The following STAU2 variants were observed in gnomAD, a reference collection of about 807,000 sequenced individuals.
The protein encoded by STAU2 is staufen double-stranded RNA binding protein 2, also known as double-stranded RNA-binding protein Staufen homolog 2.
A neutral mutation model predicts 65.9 loss-of-function variants in STAU2; 20 were observed. The ratio of observed to expected loss-of-function variants is 0.30; its 90% confidence interval spans 0.21 to 0.44. The LOEUF (loss-of-function observed/expected upper bound fraction) is 0.44. Ranked by LOEUF, STAU2 falls within the 20% of genes least tolerant of loss-of-function variation. The pLI, the probability that STAU2 is intolerant of heterozygous loss-of-function variation, is 1.00. For missense variants in STAU2, 558 were observed against 683.9 expected, an observed-to-expected ratio of 0.82 and a Z score of 2.05; for synonymous variants, 232 against 233.9, an observed-to-expected ratio of 0.99 and a Z score of 0.07.
intron 6 of STAU2, among the ~76,000 whole-genome samples, chr8:73,640,554 AC>A (rs1410765011): frequency 1.2e-4 from 18 of 152,176 alleles, no homozygotes; most frequent in Admixed American, 1.1e-3. Context: ...CATAGACAAT[AC>A]ATCAACAAAT....
intron 9 of STAU2, among the ~76,000 whole-genome samples, chr8:73,606,051 T>C (rs1812015341): frequency 6.6e-6 from 1 of 151,776 alleles, no homozygotes; most frequent in South Asian, 2.1e-4. Context: ...AAGCCAAACC[T>C]CATAACATTT....
At chr8:73,489,300 T>C (rs977986923) in intron 13 of STAU2, among the ~76,000 whole-genome samples, 2 of 151,968 alleles carry the variant, frequency 1.3e-5, no homozygotes, top group Admixed American at 1.3e-4. Context: ...GCAATAAGCT[T>C]ATTTTCCCTC....
At chr8:73,494,846 TTAACAAA>T (rs140485334) in intron 13 of STAU2, among the ~76,000 whole-genome samples, 2,631 of 151,734 alleles carry the variant, frequency 0.017, 73 homozygotes, top group African/African-American at 0.06. Flanking sequence ...GGAAGTTTTG[TTAACAAA>T]TAACATTATA....
At chr8:73,739,276 A>G (rs1053023744) in intron 2 of STAU2, among the ~76,000 whole-genome samples, 14 of 151,954 alleles carry the variant, frequency 9.2e-5, no homozygotes, top group Non-Finnish European at 1.9e-4. Flanking sequence ...ACAGATGCCA[A>G]TGAAGGGCAG....
chr8:73,543,294 T>A (rs1470910421), intron 13 of STAU2, among the ~76,000 whole-genome samples: 2 of 152,266 alleles, frequency 1.3e-5, no homozygotes, highest in South Asian at 2.1e-4. Context: ...CGGAGGCAAA[T>A]CTTTTGCAAT....
intron 6 of STAU2, among the ~76,000 whole-genome samples, chr8:73,638,517 T>A (rs73686871): frequency 4.1e-4 from 52 of 127,244 alleles, no homozygotes; most frequent in African/African-American, 1.5e-3. Context: ...TTTTTTTTTT[T>A]TAAAAAGAGT....
chr8:73,632,686 A>G (rs1814189570), intron 6 of STAU2, among the ~76,000 whole-genome samples: 1 of 152,142 alleles, frequency 6.6e-6, no homozygotes. Context: ...GGAAGCTAAA[A>G]TCACCCCAGT....
Position 73,736,188 on chromosome 8 carries a change from G to T in STAU2, c.-18+2096C>A, listed in dbSNP as rs934167762. Among the ~76,000 whole-genome samples the T allele has an allele frequency of 3.9e-5, 6 of 152,332 alleles. No individual in the cohort carries two copies. The Middle Eastern group carries it at 0.01, about 259-fold the overall frequency. On this transcript the variant is annotated intron_variant, in intron 3 of 14. Transcript: ENST00000524300. ...AACTTTACATGAGGGAGAGTTAGTT[G>T]CATTTGTGTAACACAAGCAGCATAT...
chr8:73,573,519 T>C (rs1482240757), intron 12 of STAU2, among the ~76,000 whole-genome samples: 1 of 152,192 alleles, frequency 6.6e-6, no homozygotes, highest in African/African-American at 2.4e-5. Flanking sequence ...CGAGCTACAG[T>C]AACCAAAACA....
chr8:73,642,114 G>C (rs1815027705), intron 6 of STAU2, among the ~76,000 whole-genome samples: 1 of 152,128 alleles, frequency 6.6e-6, no homozygotes, highest in African/African-American at 2.4e-5. Flanking sequence ...ATGTGTTTCG[G>C]TTTTGGTTTT....
chr8:73,427,532 C>T (rs1177052645), intron 13 of STAU2, among the ~76,000 whole-genome samples: 1 of 152,260 alleles, frequency 6.6e-6, no homozygotes, highest in African/African-American at 2.4e-5. Context: ...GAAAGGAATT[C>T]ACAGAGGAAT....
At chr8:73,457,251 C>A (rs1395633127) in intron 13 of STAU2, among the ~76,000 whole-genome samples, 1 of 152,196 alleles carries the variant, frequency 6.6e-6, no homozygotes, top group East Asian at 1.9e-4. Flanking sequence ...CCAAAAACCA[C>A]CTCCCTTCAG....
chr8:73,541,246 A>T (rs964650535), intron 13 of STAU2, among the ~76,000 whole-genome samples: 1 of 147,882 alleles, frequency 6.8e-6, no homozygotes, highest in Non-Finnish European at 1.5e-5. Context: ...CAGAAAGAAG[A>T]AAAGGCAAAA....
At chr8:73,578,718 A>G (rs1035961292) in intron 12 of STAU2, among the ~76,000 whole-genome samples, 2 of 152,196 alleles carry the variant, frequency 1.3e-5, no homozygotes, top group African/African-American at 4.8e-5. Flanking sequence ...TCTAAATAAG[A>G]TCACTAAAAG....
chr8:73,732,381 C>T (rs989521468), intron 3 of STAU2, among the ~76,000 whole-genome samples: 1 of 152,164 alleles, frequency 6.6e-6, no homozygotes, highest in African/African-American at 2.4e-5. Flanking sequence ...CTATTGGTTC[C>T]ACAGATAAAC....
chr8:73,467,849 G>A (rs1220923926), intron 13 of STAU2, among the ~76,000 whole-genome samples: 5 of 152,104 alleles, frequency 3.3e-5, no homozygotes, highest in Non-Finnish European at 7.4e-5. Flanking sequence ...TGGATAGGAA[G>A]AATCAATATC....
At chr8:73,663,778 T>C (rs1171232583) in intron 6 of STAU2, among the ~76,000 whole-genome samples, 1 of 152,158 alleles carries the variant, frequency 6.6e-6, no homozygotes, top group Non-Finnish European at 1.5e-5. Flanking sequence ...TGTACCTATT[T>C]TATTAAATTT....
intron 12 of STAU2, among the ~76,000 whole-genome samples, chr8:73,565,434 C>T (rs112338570): frequency 0.1 from 15,257 of 152,168 alleles, 1,316 homozygotes; most frequent in African/African-American, 0.21. Flanking sequence ...CCAATTAAAC[C>T]TCTTTTCTTT....
At chr8:73,478,605 T>G (rs1585841074) in intron 13 of STAU2, among the ~76,000 whole-genome samples, 1 of 152,330 alleles carries the variant, frequency 6.6e-6, no homozygotes, top group East Asian at 1.9e-4. Context: ...AATGATGCTC[T>G]GATTCACAAA....
Sources: gnomAD v4.1 joint callset for allele counts (sites outside exome capture counted in the v4.1 genomes callset) on GRCh38, gnomAD v4.1.1 for gene constraint, MANE v1.5 for transcripts, NCBI Gene and HGNC (gene_info 2026-07-23, HGNC 2026-07-21) for gene names.